The following RAI1 variants were observed in gnomAD, a reference collection of about 807,000 sequenced individuals.
RAI1 encodes retinoic acid-induced protein 1.
A neutral mutation model predicts 123.8 loss-of-function variants in RAI1; 9 were observed. The observed-to-expected ratio is 0.07, with a 90% CI of 0.04 to 0.13. RAI1 has a LOEUF of 0.13. Ranked by LOEUF, RAI1 falls within the 10% of genes least tolerant of loss-of-function variation. RAI1 has a pLI of 1.00. For missense variants in RAI1, 2,256 were observed against 2,545.8 expected, an observed-to-expected ratio of 0.89 and a Z score of 2.45; for synonymous variants, 1,231 against 1,127.3, an observed-to-expected ratio of 1.09 and a Z score of -1.84.
At chr17:17,741,145 A>G (rs149738940) in intron 2 of RAI1, among the ~76,000 whole-genome samples, 64 of 151,704 alleles carry the variant, frequency 4.2e-4, no homozygotes, top group Non-Finnish European at 5.9e-4. Context: ...TCACACTCAC[A>G]CACTTAAGCG....
At chr17:17,745,778 AG>A (rs1298452439) in intron 2 of RAI1, among the ~76,000 whole-genome samples, 2 of 152,204 alleles carry the variant, frequency 1.3e-5, no homozygotes, top group African/African-American at 4.8e-5. Context: ...AGCTTACAGA[AG>A]GGTGAGCAGG....
chr17:17,708,097 T>G (rs9900148), intron 1 of RAI1, among the ~76,000 whole-genome samples: 94,332 of 151,942 alleles, frequency 0.62, 30,344 homozygotes, highest in African/African-American at 0.78. Flanking sequence ...AAGGAATGGG[T>G]TAATGGGCAC....
chr17:17,731,269 T>C (rs1019665771), intron 2 of RAI1, among the ~76,000 whole-genome samples: 1 of 152,220 alleles, frequency 6.6e-6, no homozygotes, highest in Non-Finnish European at 1.5e-5. Flanking sequence ...CCTTCAGTCC[T>C]TCCACAGTGT....
At chr17:17,731,973 T>C (rs1598041640) in intron 2 of RAI1, among the ~76,000 whole-genome samples, 1 of 151,406 alleles carries the variant, frequency 6.6e-6, no homozygotes, top group Middle Eastern at 3.4e-3. Context: ...TGGCACAGGC[T>C]GGAGGAGGAT....
rs1262308710 is a variant in RAI1 at position 17,751,366 on chromosome 17, T to C, written c.-17+27207T>C. Among the ~76,000 whole-genome samples the C allele has an allele frequency of 2.0e-5, 3 of 152,180 alleles. No homozygotes were observed. In the East Asian group the frequency reaches 5.8e-4, roughly 29 times the overall value. On this transcript the variant is annotated intron_variant, in intron 2 of 5. Coordinates refer to ENST00000353383, the MANE Select transcript of RAI1 (RefSeq NM_030665.4). Reference sequence around the variant, plus strand: ...CTGGCTTCTCGGCTCCTGTGTCTGCTTTGCCCCTAGAGCTTGCCCAGAACA... The same window carrying C: ...CTGGCTTCTCGGCTCCTGTGTCTGCCTTGCCCCTAGAGCTTGCCCAGAACA...
chr17:17,683,671 C>G (rs1462220528), intron 1 of RAI1: 2 of 152,278 alleles, frequency 1.3e-5, no homozygotes, highest in Admixed American at 1.3e-4. Context: ...CTCTCACAAG[C>G]AAAAGCCTTG....
At chr17:17,734,652 G>GGGAA (rs1916368175) in intron 2 of RAI1, among the ~76,000 whole-genome samples, 1 of 152,222 alleles carries the variant, frequency 6.6e-6, no homozygotes, top group Non-Finnish European at 1.5e-5. Context: ...AGAGGTGTCA[G>GGGAA]GGACGGACCT....
chr17:17,794,483 C>A lies in RAI1; in HGVS notation c.1535C>A (p.Pro512Gln). 6.2e-7 allele frequency: 1 copy of A among 1,611,914 alleles called. No individual in the cohort carries two copies. The highest frequency in any genetic ancestry group is 8.5e-7 in the Non-Finnish European group (1 of 1,179,432). ...ACGCCACAGTCCACGCATGCGGAGCCGCAGGAGGCCGACTACCTGAGCGGC... is the reference window on the plus strand; with the variant it reads ...ACGCCACAGTCCACGCATGCGGAGCAGCAGGAGGCCGACTACCTGAGCGGC... ...SSTPQSTHAE[P>Q]QEADYLSGSE... The change falls in exon 3 of 6, where the codon CCG becomes CAG. Residue 512 changes from proline to glutamine, a missense_variant. Pro to Gln is a moderately conservative substitution (Grantham distance 76). Coordinates refer to ENST00000353383, the MANE Select transcript of RAI1 (RefSeq NM_030665.4).
In RAI1 at chr17:17,797,940, G is replaced by A; in HGVS notation, c.4992G>A (p.Leu1664=). Residue 1664 remains leucine, a synonymous_variant, in exon 3 of 6, where the codon TTG becomes TTA. Transcript: ENST00000353383. Reference sequence around the variant, plus strand: ...CCATCCTGCAGCCGCGGCCCTCCTTGCCCCTCTCCTCCACGATGCACTTGG... The same window carrying A: ...CCATCCTGCAGCCGCGGCCCTCCTTACCCCTCTCCTCCACGATGCACTTGG... ...GGSILQPRPS[L]PLSSTMHLGP... 1 of 1,613,982 alleles carries A rather than the reference G, an allele frequency of 6.2e-7. No homozygotes were observed. The highest frequency in any genetic ancestry group is 8.5e-7 in the Non-Finnish European group (1 of 1,180,014).
chr17:17,700,786 C>T (rs531877870), intron 1 of RAI1, among the ~76,000 whole-genome samples: 2 of 152,258 alleles, frequency 1.3e-5, no homozygotes, highest in East Asian at 1.9e-4. Context: ...TCGCCCGCTC[C>T]CCGGCGTTCA....
intron 1 of RAI1, among the ~76,000 whole-genome samples, chr17:17,704,703 G>A (rs1443168859): frequency 3.9e-5 from 6 of 152,160 alleles, no homozygotes; most frequent in Non-Finnish European, 5.9e-5. Context: ...CAGGTCCTTC[G>A]CCTGGTGTCC....
At chr17:17,782,122 C>G (rs752799192) in intron 2 of RAI1, 2 of 151,166 alleles carry the variant, frequency 1.3e-5, no homozygotes, top group Non-Finnish European at 3.0e-5. Flanking sequence ...CCTAATCGGT[C>G]TTTTCCAGGC....
chr17:17,794,377 A>G lies in RAI1; in HGVS notation c.1429A>G (p.Lys477Glu), dbSNP rs1052588388. 1.9e-6 allele frequency: 3 copies of G among 1,613,110 alleles called. No individual in the cohort carries two copies. The African/African-American group carries it at 4.0e-5, about 22-fold the overall frequency. ...NLVSRTPEQH[K>E]SQHCSPEGSG... is the part of the protein sequence containing the mutation. Reference sequence around the variant, plus strand: ...CGTGTCCAGGACCCCAGAGCAGCATAAAAGCCAGCACTGCAGCCCCGAAGG... The same window carrying G: ...CGTGTCCAGGACCCCAGAGCAGCATGAAAGCCAGCACTGCAGCCCCGAAGG... Residue 477 changes from lysine to glutamate, a missense_variant, in exon 3 of 6, where the codon AAA (lysine) becomes GAA (glutamate). Physicochemically the swap from Lys to Glu is moderately conservative, Grantham distance 56 (BLOSUM62 1). Around this residue, in one of 7 missense-constraint regions of RAI1, gnomAD observed 357 missense variants for 480.2 expected, o/e 0.74. Coordinates refer to ENST00000353383, the MANE Select transcript of RAI1 (RefSeq NM_030665.4).
chr17:17,793,728 G>A lies in RAI1; in HGVS notation c.780G>A (p.Gly260=), dbSNP rs747275238. 7 of 1,612,882 alleles carry A rather than the reference G, an allele frequency of 4.3e-6. No homozygotes were observed. In the South Asian group the frequency reaches 4.4e-5, roughly 10 times the overall value. ...PLTASSSLAP[G]QRVQNLHAYQ... ...CTGCCAGCTCCAGCCTGGCCCCGGG[G>A]CAGCGGGTCCAGAATCTTCATGCCT... The change falls in exon 3 of 6, where the codon GGG becomes GGA. Residue 260 remains glycine, a synonymous_variant. Transcript: ENST00000353383.
chr17:17,688,791 G>T (rs150616685), intron 1 of RAI1, among the ~76,000 whole-genome samples: 1 of 151,700 alleles, frequency 6.6e-6, no homozygotes, highest in Non-Finnish European at 1.5e-5. Context: ...GTAGAGACGG[G>T]GTTTCACCAT....
chr17:17,733,827 T>C (rs1286511796), intron 2 of RAI1, among the ~76,000 whole-genome samples: 2 of 152,128 alleles, frequency 1.3e-5, no homozygotes, highest in East Asian at 1.9e-4. Context: ...GGAGAGCCAG[T>C]GTAATTTGGG....
chr17:17,793,104 C>A lies in RAI1; in HGVS notation c.156C>A (p.Asn52Lys). 6 of 1,614,124 alleles carry A rather than the reference C, an allele frequency of 3.7e-6. No homozygotes were observed. The highest frequency in any genetic ancestry group is 5.1e-6 in the Non-Finnish European group (6 of 1,180,038). ...GGCTGCTCGCCAAGGACTATTATAA[C>A]CCGCAGCCTTACCCGAGCTATGAGG... is the stretch of plus-strand genomic sequence containing the variant. ...RQRLLAKDYY[N>K]PQPYPSYEGG... Residue 52 changes from asparagine (N) to lysine (K), a missense_variant, in exon 3 of 6, where the codon AAC (asparagine) becomes AAA (lysine). By Grantham distance (94) the Asn-to-Lys change is moderately conservative. Transcript: ENST00000353383.
intron 3 of RAI1, 121 bp from the exon 4 acceptor site, chr17:17,803,635 C>T: frequency 1.1e-6 from 1 of 903,894 alleles, no homozygotes; most frequent in Non-Finnish European, 1.8e-6. Flanking sequence ...ATCCTCCCAC[C>T]TTGGCCTCCC....
At chr17:17,684,826 G>A (rs1401256976) in intron 1 of RAI1, 1 of 151,946 alleles carries the variant, frequency 6.6e-6, no homozygotes, top group Non-Finnish European at 1.5e-5. Context: ...TTGTCTTGGA[G>A]AGGTTGGTTG....
Sources: gnomAD v4.1 joint callset for allele counts (sites outside exome capture counted in the v4.1 genomes callset) on GRCh38, gnomAD v4.1.1 for gene constraint, gnomAD v4.1.1 regional missense constraint, MANE v1.5 for transcripts, NCBI Gene and HGNC (gene_info 2026-07-23, HGNC 2026-07-21) for gene names.